ARL15: variants seen among roughly 807,000 people sequenced by gnomAD.
The protein encoded by ARL15 is ADP-ribosylation factor-like protein 15.
A neutral mutation model predicts 25.2 loss-of-function variants in ARL15; 19 were observed. The observed-to-expected ratio is 0.75, with a 90% CI of 0.53 to 1.10. ARL15 has a LOEUF of 1.10. Ranked by LOEUF, ARL15 falls within the 50% of genes least tolerant of loss-of-function variation. The pLI is 0.00. For synonymous variants in ARL15, 94 were observed against 86.8 expected, an observed-to-expected ratio of 1.08 and a Z score of -0.46; for missense variants, 220 against 246.0, an observed-to-expected ratio of 0.89 and a Z score of 0.71.
intron 4 of ARL15, among the ~76,000 whole-genome samples, chr5:53,982,440 G>GT (rs1412323780): frequency 2.0e-5 from 3 of 151,206 alleles, no homozygotes; most frequent in Non-Finnish European, 4.4e-5. Flanking sequence ...GAGGTGTTTG[G>GT]TTTTTTGTTC....
intron 1 of ARL15, among the ~76,000 whole-genome samples, chr5:54,297,532 T>C (rs899620063): frequency 2.0e-4 from 30 of 152,230 alleles, no homozygotes; most frequent in African/African-American, 6.8e-4. Flanking sequence ...TCTGGATGCA[T>C]TGTCAGTAAA....
intron 4 of ARL15, among the ~76,000 whole-genome samples, chr5:53,973,955 G>C (rs1747841616): frequency 1.3e-5 from 2 of 151,720 alleles, no homozygotes; most frequent in South Asian, 4.2e-4. Flanking sequence ...TTGACTTTGA[G>C]TAAGGCCCTG....
At chr5:53,916,974 A>T (rs1745672325) in intron 4 of ARL15, among the ~76,000 whole-genome samples, 1 of 152,226 alleles carries the variant, frequency 6.6e-6, no homozygotes, top group Admixed American at 6.5e-5. Context: ...CTACAAAAGA[A>T]ATACACAAAG....
chr5:54,231,736 GT>G, intron 1 of ARL15, among the ~76,000 whole-genome samples: 1 of 152,290 alleles, frequency 6.6e-6, no homozygotes, highest in East Asian at 1.9e-4. Flanking sequence ...CCATTACTTT[GT>G]CCTCACATGG....
chr5:53,932,230 A>G (rs1252796664), intron 4 of ARL15, among the ~76,000 whole-genome samples: 1 of 152,242 alleles, frequency 6.6e-6, no homozygotes, highest in East Asian at 1.9e-4. Context: ...GCTTATTAAG[A>G]AAGAATCAGG....
chr5:54,196,940 A>C (rs968591461), intron 1 of ARL15, among the ~76,000 whole-genome samples: 2 of 152,118 alleles, frequency 1.3e-5, no homozygotes, highest in African/African-American at 2.4e-5. Context: ...ATTTTCATTC[A>C]TATGAGTTTC....
At position 53,885,007 on chromosome 5, in the gene ARL15, C is replaced by T. The variant is rs182401729; in HGVS notation, c.*1554G>A. On this transcript the variant is annotated 3_prime_UTR_variant, in exon 5 of 5. Transcript: ENST00000504924. Reference sequence around the variant, plus strand: ...AAGCTTAAAGAAGTGTTTGATGTTTCAAAGGTAATGATTTCATTACAATCT... The same window carrying T: ...AAGCTTAAAGAAGTGTTTGATGTTTTAAAGGTAATGATTTCATTACAATCT... 5.9e-5 allele frequency: 9 copies of T among 152,212 alleles called. No individual in the cohort carries two copies. The highest frequency in any genetic ancestry group is 4.6e-4 in the Admixed American group (7 of 15,262). The allele number at this position is 152,212 out of a possible 1,614,324, so 9.4% of individuals were successfully genotyped here.
At chr5:53,950,058 A>T (rs1333599581) in intron 4 of ARL15, among the ~76,000 whole-genome samples, 1 of 152,174 alleles carries the variant, frequency 6.6e-6, no homozygotes, top group East Asian at 1.9e-4. Context: ...AATAAGTAAA[A>T]CCATAAACAT....
chr5:54,040,990 T>C (rs274362), intron 4 of ARL15, among the ~76,000 whole-genome samples: 103,446 of 152,110 alleles, frequency 0.68, 35,331 homozygotes, highest in East Asian at 0.85. Flanking sequence ...TGCCAGCAAG[T>C]GTAGAGCAGA....
At position 53,988,177 on chromosome 5, in the gene ARL15, T is replaced by A. The variant is rs539498195; in HGVS notation, c.463-101464A>T. On this transcript the variant is annotated intron_variant, in intron 4 of 4. Transcript: ENST00000504924. The stretch of plus-strand genomic sequence containing the variant: ...TGGATGTGTTGGTGCATACCTGTGG[T>A]CCTAGGTACTCAGGTGGCTGAGATG... Among the ~76,000 whole-genome samples the A allele has an allele frequency of 2.7e-5, 4 of 150,666 alleles. No individual in the cohort carries two copies. The South Asian group carries it at 8.4e-4, about 32-fold the overall frequency.
At chr5:53,970,108 T>C (rs1354751214) in intron 4 of ARL15, among the ~76,000 whole-genome samples, 1 of 151,886 alleles carries the variant, frequency 6.6e-6, no homozygotes, top group Non-Finnish European at 1.5e-5. Context: ...GAGAGGAAAC[T>C]CCCCCCAAAT....
intron 4 of ARL15, among the ~76,000 whole-genome samples, chr5:53,958,147 T>C (rs866577682): frequency 2.7e-5 from 4 of 150,838 alleles, no homozygotes; most frequent in South Asian, 2.1e-4. Flanking sequence ...GAGGAGGAGG[T>C]TGCAGTGAGT....
At chr5:53,950,599 G>C (rs1341974841) in intron 4 of ARL15, among the ~76,000 whole-genome samples, 3 of 151,968 alleles carry the variant, frequency 2.0e-5, no homozygotes, top group Admixed American at 1.3e-4. Flanking sequence ...ACCCATTCCA[G>C]GCCACAAATT....
intron 1 of ARL15, among the ~76,000 whole-genome samples, chr5:54,309,546 A>T (rs571182055): frequency 6.6e-6 from 1 of 152,342 alleles, no homozygotes; most frequent in Non-Finnish European, 1.5e-5. Context: ...TCTGCATGGC[A>T]ATAGCGGTTC....
At chr5:54,241,950 A>C (rs376116470) in intron 1 of ARL15, among the ~76,000 whole-genome samples, 9 of 152,206 alleles carry the variant, frequency 5.9e-5, no homozygotes, top group East Asian at 5.8e-4. Context: ...ACTTGACAGA[A>C]GTATAAAGGA....
At chr5:54,130,216 TCAAAA>T (rs1474049719) in intron 3 of ARL15, among the ~76,000 whole-genome samples, 7 of 152,122 alleles carry the variant, frequency 4.6e-5, no homozygotes, top group Non-Finnish European at 7.4e-5. Context: ...CTAGCCTGTC[TCAAAA>T]CAAAACAAAC....
intron 4 of ARL15, among the ~76,000 whole-genome samples, chr5:53,914,092 T>C (rs895252192): frequency 2.6e-5 from 4 of 151,276 alleles, no homozygotes; most frequent in African/African-American, 9.7e-5. Context: ...TACCAGAGAG[T>C]GGACAGGACA....
intron 4 of ARL15, among the ~76,000 whole-genome samples, chr5:53,917,071 G>A (rs2112001834): frequency 6.6e-6 from 1 of 152,264 alleles, no homozygotes; most frequent in East Asian, 1.9e-4. Context: ...CATCAGGTAG[G>A]AAAATCTGTC....
At chr5:54,228,936 G>A (rs567180867) in intron 1 of ARL15, among the ~76,000 whole-genome samples, 6 of 152,178 alleles carry the variant, frequency 3.9e-5, no homozygotes, top group African/African-American at 7.2e-5. Context: ...GTTTCCTGTC[G>A]GGAGAAGCAT....
Sources: gnomAD v4.1 joint callset for allele counts (sites outside exome capture counted in the v4.1 genomes callset) on GRCh38, gnomAD v4.1.1 for gene constraint, MANE v1.5 for transcripts, NCBI Gene and HGNC (gene_info 2026-07-23, HGNC 2026-07-21) for gene names.